The following TRIM9 variants were observed in gnomAD, a reference collection of about 807,000 sequenced individuals.
TRIM9 encodes the protein tripartite motif containing 9.
Under a neutral mutation model 78.3 loss-of-function variants are expected in TRIM9, and 26 were observed. The observed-to-expected ratio is 0.33, with a 90% confidence interval of 0.24 to 0.46. The LOEUF (loss-of-function observed/expected upper bound fraction) is 0.46. Among genes scored for constraint, TRIM9 ranks in the 20% least tolerant of loss-of-function variants. TRIM9 has a pLI of 1.00. For synonymous variants in TRIM9, 398 were observed against 416.5 expected (o/e 0.96, Z 0.54); for missense variants, 787 against 1,036.4 (o/e 0.76, Z 3.30).
At chr14:51,076,658 G>T (rs1339379438) in intron 1 of TRIM9, among the ~76,000 whole-genome samples, 2 of 152,092 alleles carry the variant, frequency 1.3e-5, no homozygotes, top group East Asian at 1.9e-4. Context: ...CATTAATTAG[G>T]TTATTCTGGC....
intron 1 of TRIM9, among the ~76,000 whole-genome samples, chr14:51,080,447 AC>A: frequency 1.3e-5 from 1 of 76,750 alleles, no homozygotes; most frequent in East Asian, 2.3e-4. Context: ...ACACACACAC[AC>A]ACACACACAC....
chr14:50,981,705 T>C, intron 11 of TRIM9, 95 bp downstream of exon 11: 1 of 1,496,636 alleles, frequency 6.7e-7, no homozygotes, highest in Non-Finnish European at 9.1e-7. Context: ...TTTGATTTCC[T>C]GAATGTGGTC....
intron 1 of TRIM9, among the ~76,000 whole-genome samples, chr14:51,093,740 G>A (rs930431708): frequency 1.3e-5 from 2 of 152,172 alleles, no homozygotes; most frequent in African/African-American, 2.4e-5. Flanking sequence ...CCCTGCCCTC[G>A]AGCGTGCCTA....
At chr14:51,074,160 T>C (rs2062549077) in intron 1 of TRIM9, among the ~76,000 whole-genome samples, 3 of 152,134 alleles carry the variant, frequency 2.0e-5, no homozygotes, top group African/African-American at 4.8e-5. Context: ...GGCTCACGTC[T>C]GTAATCCCAG....
intron 1 of TRIM9, among the ~76,000 whole-genome samples, chr14:51,082,732 A>G (rs926456267): frequency 6.6e-6 from 1 of 152,204 alleles, no homozygotes; most frequent in African/African-American, 2.4e-5. Context: ...ATTGAATTAC[A>G]CACTTTAAAA....
intron 3 of TRIM9, among the ~76,000 whole-genome samples, chr14:51,020,009 G>T (rs753695549): frequency 1.3e-5 from 2 of 152,088 alleles, no homozygotes; most frequent in Non-Finnish European, 2.9e-5. Flanking sequence ...CTAGTTTTTT[G>T]GATTGCTCAA....
At chr14:51,092,327 A>C (rs1383091715) in intron 1 of TRIM9, among the ~76,000 whole-genome samples, 1 of 152,240 alleles carries the variant, frequency 6.6e-6, no homozygotes, top group Non-Finnish European at 1.5e-5. Context: ...GAATAGAATG[A>C]CTGTAAACAT....
At chr14:50,979,309 GTTGGA>G in intron 12 of TRIM9, 73 bp downstream of exon 12, 1 of 1,611,060 alleles carries the variant, frequency 6.2e-7, no homozygotes. Flanking sequence ...CCTCTCTTCG[GTTGGA>G]TTGAACGGCC....
At chr14:51,050,396 T>TCC (rs2060308128) in intron 1 of TRIM9, among the ~76,000 whole-genome samples, 1 of 152,218 alleles carries the variant, frequency 6.6e-6, no homozygotes. Context: ...TCATTGCCTC[T>TCC]TTGCCTGCCA....
intron 1 of TRIM9, among the ~76,000 whole-genome samples, chr14:51,072,257 C>G (rs1466795646): frequency 1.3e-5 from 2 of 151,914 alleles, no homozygotes; most frequent in Non-Finnish European, 2.9e-5. Flanking sequence ...AATACTTTAT[C>G]TTATTATTTT....
intron 1 of TRIM9, among the ~76,000 whole-genome samples, chr14:51,044,578 T>A (rs1421103882): frequency 6.6e-6 from 1 of 152,162 alleles, no homozygotes; most frequent in African/African-American, 2.4e-5. Flanking sequence ...AAGCAGCCAT[T>A]TTGAACCATG....
At position 50,982,951 on chromosome 14, in the gene TRIM9, G is replaced by A. The variant is rs2052167265; in HGVS notation, c.1849C>T (p.Leu617=). Residue 617 remains leucine, a synonymous_variant, in exon 10 of 13, where the codon CTG becomes TTG. Coordinates refer to ENST00000684578, the MANE Select transcript of TRIM9 (RefSeq NM_001387360.1). ...TAAGGTTATTCCATACCTGCCAACA[G>A]CTTTTTAATGTCAACTGTTGTCATT... ...PYSQLVDIKK[L]LAVAWFAFDP... is the part of the protein sequence containing the mutation. 2.6e-6 allele frequency: 4 copies of A among 1,548,852 alleles called. No individual in the cohort carries two copies. Among genetic ancestry groups the A allele is most frequent in the African/African-American group, 2.7e-5 (2 of 73,168 alleles).
chr14:51,069,866 C>G (rs1242985446), intron 1 of TRIM9, among the ~76,000 whole-genome samples: 1 of 152,192 alleles, frequency 6.6e-6, no homozygotes, highest in South Asian at 2.1e-4. Context: ...TACAGTCAAT[C>G]TCTATTATTT....
Position 51,026,012 on chromosome 14 carries a change from A to T in TRIM9, c.823-652T>A, listed in dbSNP as rs7147409. ...CCCACACCACCCCATCCATACGAGG[A>T]GGCAGTTCTGCTGGGTTGGCAAGGT... On this transcript the variant is annotated intron_variant, in intron 1 of 12. Coordinates refer to ENST00000684578, the MANE Select transcript of TRIM9 (RefSeq NM_001387360.1). 6.5e-3 allele frequency among the ~76,000 whole-genome samples: 989 copies of T among 152,226 alleles called. 15 individuals are homozygous for T. The highest frequency in any genetic ancestry group is 0.022 in the African/African-American group (925 of 41,526).
At chr14:51,089,756 C>T (rs2064136855) in intron 1 of TRIM9, among the ~76,000 whole-genome samples, 1 of 152,100 alleles carries the variant, frequency 6.6e-6, no homozygotes, top group African/African-American at 2.4e-5. Flanking sequence ...TTTAGGCCAC[C>T]TTTCAGAGCA....
rs138862773 is a variant in TRIM9 at position 51,051,943 on chromosome 14, G to A, written c.823-26583C>T. ...GTTTATGCCACTGCACTCCAGCCTA[G>A]GCAACAGAGACCCTGTCTTGAAAAG... is the stretch of plus-strand genomic sequence containing the variant. On this transcript the variant is annotated intron_variant, in intron 1 of 12. Transcript: ENST00000684578. 1.1e-3 allele frequency among the ~76,000 whole-genome samples: 160 copies of A among 151,186 alleles called. 3 individuals are homozygous for A. In the East Asian group the frequency reaches 0.028, roughly 26 times the overall value.
chr14:51,014,631 CT>C (rs1372662068), intron 3 of TRIM9, among the ~76,000 whole-genome samples: 1 of 152,172 alleles, frequency 6.6e-6, no homozygotes, highest in African/African-American at 2.4e-5. Flanking sequence ...TAAATCAGAT[CT>C]TTTAAGAGTA....
At chr14:51,025,904 C>T (rs2058185293) in intron 1 of TRIM9, among the ~76,000 whole-genome samples, 1 of 152,138 alleles carries the variant, frequency 6.6e-6, no homozygotes, top group African/African-American at 2.4e-5. Flanking sequence ...CTTCCTTCTC[C>T]CAAGTACAGC....
At position 51,010,494 on chromosome 14, in the gene TRIM9, C is replaced by T. The variant is rs760310829; in HGVS notation, c.1042G>A (p.Val348Met). The change falls in exon 4 of 13, where the codon GTG becomes ATG. Residue 348 changes from valine (V) to methionine (M), a missense_variant and splice_region_variant. Coordinates refer to ENST00000684578, the MANE Select transcript of TRIM9 (RefSeq NM_001387360.1). ...CAGTGAGAGATCTGATCTCGAACCA[C>T]CTAGGATTAAAAAAAAAACAACAGA... ...VNKEHEHKLK[V>M]VRDQISHCTV... is the part of the protein sequence containing the mutation. 53 of 1,610,068 alleles carry T rather than the reference C, an allele frequency of 3.3e-5. No homozygotes were observed. The highest frequency in any genetic ancestry group is 5.0e-5 in the Admixed American group (3 of 59,754).
Sources: gnomAD v4.1 joint callset for allele counts (sites outside exome capture counted in the v4.1 genomes callset) on GRCh38, gnomAD v4.1.1 for gene constraint, MANE v1.5 for transcripts, NCBI Gene and HGNC (gene_info 2026-07-23, HGNC 2026-07-21) for gene names.